NRXN1: variants seen among roughly 807,000 people sequenced by gnomAD.
NRXN1 encodes neurexin 1.
In NRXN1, 39 loss-of-function variants were observed where a neutral mutation model predicts 150.9. The observed-to-expected ratio is 0.26, with a 90% CI of 0.20 to 0.34. The LOEUF (loss-of-function observed/expected upper bound fraction) is 0.34. Ranked by LOEUF, NRXN1 falls within the 10% of genes least tolerant of loss-of-function variation. The pLI is 1.00. For synonymous variants in NRXN1, 924 were observed against 757.0 expected (o/e 1.22, Z -3.62); for missense variants, 1,815 against 1,949.9 (o/e 0.93, Z 1.30).
intron 21 of NRXN1, among the ~76,000 whole-genome samples, chr2:50,049,752 G>A (rs1692404382): frequency 6.6e-6 from 1 of 152,040 alleles, no homozygotes; most frequent in South Asian, 2.1e-4. Context: ...CATCTCATAA[G>A]ACATTGCAAG....
intron 17 of NRXN1, among the ~76,000 whole-genome samples, chr2:50,405,013 C>A (rs776168302): frequency 3.6e-4 from 55 of 152,198 alleles, no homozygotes; most frequent in Admixed American, 7.2e-4. Flanking sequence ...CCTTGACAAA[C>A]GTTCTGGTCT....
intron 5 of NRXN1, among the ~76,000 whole-genome samples, chr2:50,664,229 T>A (rs1262135435): frequency 3.3e-5 from 5 of 151,852 alleles, no homozygotes; most frequent in Non-Finnish European, 5.9e-5. Context: ...TAACTTTCCT[T>A]CTCCCTCTTA....
At chr2:50,591,474 T>A (rs1674238179) in intron 8 of NRXN1, among the ~76,000 whole-genome samples, 1 of 152,120 alleles carries the variant, frequency 6.6e-6, no homozygotes, top group Non-Finnish European at 1.5e-5. Flanking sequence ...AAAGGACAGA[T>A]AATGACCTAC....
intron 5 of NRXN1, among the ~76,000 whole-genome samples, chr2:50,843,479 T>C (rs866485459): frequency 6.6e-6 from 1 of 152,182 alleles, no homozygotes; most frequent in East Asian, 1.9e-4. Context: ...CTTTCCTTTT[T>C]CATAAGGACT....
chr2:50,773,168 C>T (rs914496194), intron 5 of NRXN1, among the ~76,000 whole-genome samples: 7 of 152,118 alleles, frequency 4.6e-5, no homozygotes, highest in African/African-American at 1.7e-4. Context: ...ATATTTCAAT[C>T]TGTCTCATCT....
Position 50,320,125 on chromosome 2 carries a change from CAA to C in NRXN1, c.3365-83157_3365-83156del, listed in dbSNP as rs1268654379. 2.9e-4 allele frequency among the ~76,000 whole-genome samples: 35 copies of C among 118,962 alleles called. No individual in the cohort carries two copies. The East Asian group carries it at 0.013, about 45-fold the overall frequency. The allele number at this position is 118,962 out of a possible 152,430, so 78.0% of individuals were successfully genotyped here. On this transcript the variant is annotated intron_variant, in intron 17 of 22. Coordinates refer to ENST00000401669, the MANE Select transcript of NRXN1 (RefSeq NM_001330078.2). ...CCAAACACTAACAATGACTGAGAAG[CAA>C]AAAGTTTCCACAGCCTTCTAACATC...
At chr2:50,335,888 CTGT>C (rs1179497330) in intron 17 of NRXN1, among the ~76,000 whole-genome samples, 12 of 115,456 alleles carry the variant, frequency 1.0e-4, no homozygotes, top group African/African-American at 4.9e-4. Flanking sequence ...TCAGTCCTTT[CTGT>C]TTTTTTTTTT....
intron 17 of NRXN1, among the ~76,000 whole-genome samples, chr2:50,285,572 C>A (rs1407262567): frequency 6.6e-6 from 1 of 152,104 alleles, no homozygotes; most frequent in Non-Finnish European, 1.5e-5. Context: ...TGGTCCTGAC[C>A]AAGAATCATT....
At chr2:49,992,423 A>AC (rs1682148677) in intron 21 of NRXN1, among the ~76,000 whole-genome samples, 2 of 149,548 alleles carry the variant, frequency 1.3e-5, no homozygotes, top group South Asian at 2.1e-4. Flanking sequence ...AAACAAACAA[A>AC]AAACCAATTA....
chr2:50,593,672 G>A (rs1296993244), intron 8 of NRXN1, among the ~76,000 whole-genome samples: 2 of 152,166 alleles, frequency 1.3e-5, no homozygotes, highest in East Asian at 1.9e-4. Flanking sequence ...GCTTGCAAAG[G>A]GGAAGGTGAT....
At chr2:50,977,248 T>TTA (rs1475073615) in intron 2 of NRXN1, among the ~76,000 whole-genome samples, 1 of 151,926 alleles carries the variant, frequency 6.6e-6, no homozygotes, top group African/African-American at 2.4e-5. Flanking sequence ...ACAAATGCAA[T>TTA]TATAATCATA....
intron 17 of NRXN1, among the ~76,000 whole-genome samples, chr2:50,358,078 C>T (rs1056266486): frequency 6.6e-6 from 1 of 152,192 alleles, no homozygotes; most frequent in African/African-American, 2.4e-5. Context: ...ATGGTCTTCA[C>T]CACCGACAGA....
intron 17 of NRXN1, among the ~76,000 whole-genome samples, chr2:50,385,166 C>T (rs76812291): frequency 0.016 from 2,412 of 152,288 alleles, 64 homozygotes; most frequent in African/African-American, 0.053. Flanking sequence ...TCAATTTCCC[C>T]CAACTTTCCC....
intron 2 of NRXN1, among the ~76,000 whole-genome samples, chr2:50,962,949 T>G (rs1367280885): frequency 1.3e-5 from 2 of 151,582 alleles, no homozygotes; most frequent in Non-Finnish European, 3.0e-5. Flanking sequence ...TGTGCAAAAA[T>G]GGCTTAGTCC....
chr2:49,996,574 A>G (rs1461095607), intron 21 of NRXN1, among the ~76,000 whole-genome samples: 1 of 152,184 alleles, frequency 6.6e-6, no homozygotes, highest in Non-Finnish European at 1.5e-5. Context: ...CAGTGTAATG[A>G]CAAGGGTCCT....
At chr2:50,790,828 T>C (rs1574486129) in intron 5 of NRXN1, among the ~76,000 whole-genome samples, 1 of 152,152 alleles carries the variant, frequency 6.6e-6, no homozygotes, top group East Asian at 1.9e-4. Flanking sequence ...TAAAGAATGC[T>C]GAATAAACTG....
chr2:50,656,336 A>C (rs753627870), intron 5 of NRXN1: 1 of 770,454 alleles, frequency 1.3e-6, no homozygotes, highest in Non-Finnish European at 2.4e-6. Flanking sequence ...TTATAATTCT[A>C]TACTCTAAAG....
At chr2:50,156,419 T>C (rs921640264) in intron 18 of NRXN1, among the ~76,000 whole-genome samples, 1 of 151,946 alleles carries the variant, frequency 6.6e-6, no homozygotes, top group African/African-American at 2.4e-5. Context: ...GGGTAATCAT[T>C]GTTTGACTTT....
intron 17 of NRXN1, among the ~76,000 whole-genome samples, chr2:50,411,694 T>TG (rs34043496): frequency 1.3e-5 from 2 of 149,662 alleles, no homozygotes; most frequent in Non-Finnish European, 3.0e-5. Flanking sequence ...GTCTGGGAGG[T>TG]GGGGGGGCAG....
Sources: allele counts gnomAD v4.1 joint callset (sites outside exome capture counted in the v4.1 genomes callset), GRCh38; gene constraint gnomAD v4.1.1; transcripts MANE v1.5; gene names NCBI Gene and HGNC (gene_info 2026-07-23, HGNC 2026-07-21).